The following PHF14 variants were observed in gnomAD, a reference collection of about 807,000 sequenced individuals.
PHF14 encodes the protein PHD finger protein 14.
A neutral mutation model predicts 117.9 loss-of-function variants in PHF14; 55 were observed. The ratio of observed to expected loss-of-function variants is 0.47; its 90% CI spans 0.38 to 0.58. The LOEUF (loss-of-function observed/expected upper bound fraction) is 0.58, where lower values mean the gene tolerates loss of function less well. PHF14 is among the 20% of genes least tolerant of loss of function. PHF14 has a pLI of 0.00. For synonymous variants in PHF14, 409 were observed against 368.6 expected (o/e 1.11, Z -1.26); for missense variants, 978 against 1,122.2 (o/e 0.87, Z 1.84).
chr7:11,011,711 G>A (rs10257220), intron 4 of PHF14, among the ~76,000 whole-genome samples: 7,584 of 152,232 alleles, frequency 0.05, 574 homozygotes, highest in African/African-American at 0.16. Flanking sequence ...ATATGCTTTA[G>A]ATTGTTTCTT....
At chr7:10,995,003 T>C (rs561499530) in intron 4 of PHF14, among the ~76,000 whole-genome samples, 90 of 152,312 alleles carry the variant, frequency 5.9e-4, no homozygotes, top group Non-Finnish European at 1.2e-3. Flanking sequence ...TACAGAGAGC[T>C]GATTGGTCTG....
intron 17 of PHF14, among the ~76,000 whole-genome samples, chr7:11,115,415 T>G (rs1376785784): frequency 6.6e-6 from 1 of 152,116 alleles, no homozygotes; most frequent in Non-Finnish European, 1.5e-5. Context: ...TCTATTTTCA[T>G]GATTTAAATA....
At chr7:11,062,932 G>A in intron 16 of PHF14, 1 of 978,146 alleles carries the variant, frequency 1.0e-6, no homozygotes, top group Non-Finnish European at 1.2e-6. Context: ...TTCTGGTAAA[G>A]CCCTGTTAAA....
intron 5 of PHF14, among the ~76,000 whole-genome samples, chr7:11,021,565 G>C (rs539245229): frequency 1.3e-5 from 2 of 152,154 alleles, no homozygotes; most frequent in African/African-American, 4.8e-5. Context: ...AAGAAGGTCA[G>C]TATGAAGCAA....
chr7:11,154,191 A>G (rs1788779980), intron 17 of PHF14, among the ~76,000 whole-genome samples: 1 of 152,086 alleles, frequency 6.6e-6, no homozygotes, highest in South Asian at 2.1e-4. Context: ...AATAATTACT[A>G]TTGTATTTAT....
At chr7:11,041,038 T>C (rs1784488599) in intron 12 of PHF14, among the ~76,000 whole-genome samples, 1 of 151,990 alleles carries the variant, frequency 6.6e-6, no homozygotes, top group South Asian at 2.1e-4. Context: ...ATTATAGTTA[T>C]TGTCTTAAAT....
At position 10,987,916 on chromosome 7, in the gene PHF14, T is replaced by C. The variant is rs560560155; in HGVS notation, c.901-2787T>C. ...CTGTAATCCCAGCTACTCGGGAGGC[T>C]GAGGCAGGAGAATCGCTTGAACCCG... On this transcript the variant is annotated intron_variant, in intron 3 of 17. Coordinates refer to ENST00000634607, the MANE Select transcript of PHF14 (RefSeq NM_001007157.2). Among the ~76,000 whole-genome samples the C allele has an allele frequency of 1.1e-3, 168 of 149,140 alleles. 1 individual carries two copies. The highest frequency in any genetic ancestry group is 4.1e-3 in the African/African-American group (164 of 40,294).
intron 16 of PHF14, among the ~76,000 whole-genome samples, chr7:11,073,152 C>T (rs1785687922): frequency 6.6e-6 from 1 of 152,158 alleles, no homozygotes; most frequent in Non-Finnish European, 1.5e-5. Flanking sequence ...TATTAACAGT[C>T]CTCCAAAGTC....
intron 2 of PHF14, among the ~76,000 whole-genome samples, chr7:10,979,217 G>C (rs544516353): frequency 3.3e-5 from 5 of 151,940 alleles, no homozygotes; most frequent in Non-Finnish European, 7.4e-5. Flanking sequence ...ATATTGTAAA[G>C]GGATTCTTGA....
chr7:11,039,068 G>C (rs2128323131), intron 11 of PHF14, among the ~76,000 whole-genome samples: 1 of 152,224 alleles, frequency 6.6e-6, no homozygotes, highest in South Asian at 2.1e-4. Context: ...TGTTTCAACA[G>C]CTATCTTGTG....
intron 17 of PHF14, among the ~76,000 whole-genome samples, chr7:11,159,077 A>G (rs769415356): frequency 5.9e-5 from 9 of 152,126 alleles, no homozygotes; most frequent in Non-Finnish European, 1.3e-4. Context: ...TTATATCTTA[A>G]TGCAAATTAT....
At chr7:11,042,617 C>A in intron 12 of PHF14, 66 bp from the exon 13 acceptor site, 1 of 1,107,048 alleles carries the variant, frequency 9.0e-7, no homozygotes. Context: ...GAAAAATATG[C>A]TATAAGTAAA....
chr7:11,035,462 A>G (rs1269177537), intron 7 of PHF14, 178 bp from the exon 8 acceptor site: 1 of 369,944 alleles, frequency 2.7e-6, no homozygotes. Context: ...GACATACAAG[A>G]TCAAGTTTCT....
chr7:11,069,636 C>T (rs1405477923), intron 16 of PHF14, among the ~76,000 whole-genome samples: 1 of 119,630 alleles, frequency 8.4e-6, no homozygotes, highest in Non-Finnish European at 1.7e-5. Flanking sequence ...CTTTCCTTCC[C>T]CTCCCCTCCT....
At chr7:11,134,695 T>C (rs1461727973) in intron 17 of PHF14, among the ~76,000 whole-genome samples, 1 of 152,084 alleles carries the variant, frequency 6.6e-6, no homozygotes, top group Admixed American at 6.6e-5. Flanking sequence ...CCATCATTTA[T>C]TGGTTCAGTC....
chr7:11,035,342 A>G (rs1784286459), intron 7 of PHF14, among the ~76,000 whole-genome samples: 1 of 152,140 alleles, frequency 6.6e-6, no homozygotes, highest in Non-Finnish European at 1.5e-5. Flanking sequence ...TCCCCCATGG[A>G]TATTGAAGGG....
rs74790522 is a variant in PHF14, at chr7:11,059,327, T to G, written c.2482-2464T>G. ...AAAATTCAAAACTACATGATACATT[T>G]GCTAGTTCATTACCTAAAAGATGAG... On this transcript the variant is annotated intron_variant, in intron 14 of 17. Coordinates refer to ENST00000634607, the MANE Select transcript of PHF14 (RefSeq NM_001007157.2). Among the ~76,000 whole-genome samples the G allele has an allele frequency of 5.9e-3, 897 of 152,356 alleles. 10 individuals carry two copies. The highest frequency in any genetic ancestry group is 0.021 in the African/African-American group (858 of 41,586).
At chr7:11,095,960 A>G (rs550120569) in intron 16 of PHF14, among the ~76,000 whole-genome samples, 1 of 152,098 alleles carries the variant, frequency 6.6e-6, no homozygotes, top group African/African-American at 2.4e-5. Context: ...CTTTGGGGCT[A>G]TACTCTGAAT....
intron 16 of PHF14, chr7:11,103,886 AT>A (rs1554272907): frequency 1.0e-6 from 1 of 981,264 alleles, no homozygotes; most frequent in Non-Finnish European, 1.2e-6. Context: ...TGGAGGAAAA[AT>A]ATTCATAATC....
Sources: allele counts gnomAD v4.1 joint callset (sites outside exome capture counted in the v4.1 genomes callset), GRCh38; gene constraint gnomAD v4.1.1; transcripts MANE v1.5; gene names NCBI Gene and HGNC (gene_info 2026-07-23, HGNC 2026-07-21).